Variants in WDR37 observed in about 807,000 individuals in gnomAD.
WDR37 encodes WD repeat domain 37, also known as WD repeat-containing protein 37.
A neutral mutation model predicts 62.9 loss-of-function variants in WDR37; 19 were observed. The ratio of observed to expected loss-of-function variants is 0.30; its 90% CI spans 0.21 to 0.44. The LOEUF is 0.44. WDR37 is among the 20% of genes least tolerant of loss of function. The probability of loss-of-function intolerance (pLI) is 1.00; values close to 1 mark genes in which losing one functional copy is unlikely to be tolerated. For missense variants in WDR37, 474 were observed against 657.6 expected (o/e 0.72, Z 3.05); for synonymous variants, 250 against 260.9 (o/e 0.96, Z 0.40).
chr10:1,114,537 C>A (rs1383126961), intron 11 of WDR37, among the ~76,000 whole-genome samples: 1 of 152,186 alleles, frequency 6.6e-6, no homozygotes, highest in Non-Finnish European at 1.5e-5. Context: ...AGAGGTAATG[C>A]GGTTGCTCAC....
At chr10:1,074,470 A>G (rs766469190) in intron 2 of WDR37, 7 of 1,304,394 alleles carry the variant, frequency 5.4e-6, no homozygotes, top group South Asian at 1.2e-5. Flanking sequence ...CATTTGTTCA[A>G]TGAGCAGTGA....
chr10:1,057,644 G>C (rs1309578868), intron 1 of WDR37, among the ~76,000 whole-genome samples: 1 of 152,178 alleles, frequency 6.6e-6, no homozygotes, highest in African/African-American at 2.4e-5. Flanking sequence ...TAACACAAGA[G>C]CAACAATAAT....
At chr10:1,117,858 G>A (rs569478987) in intron 11 of WDR37, among the ~76,000 whole-genome samples, 5 of 152,304 alleles carry the variant, frequency 3.3e-5, no homozygotes, top group South Asian at 2.1e-4. Context: ...TCTGCGCTGC[G>A]TGCACTCAGC....
At chr10:1,125,661 G>A (rs1835718968) in intron 13 of WDR37, among the ~76,000 whole-genome samples, 1 of 152,202 alleles carries the variant, frequency 6.6e-6, no homozygotes. Flanking sequence ...CTGCAGTTGT[G>A]TCTGTGCAGA....
At chr10:1,068,024 A>G (rs1382123521) in intron 1 of WDR37, among the ~76,000 whole-genome samples, 2 of 152,198 alleles carry the variant, frequency 1.3e-5, no homozygotes, top group African/African-American at 2.4e-5. Flanking sequence ...ATGTGAACAC[A>G]TGGAGGTAAA....
rs1414063237 is a variant in WDR37, at chr10:1,124,326, T to C, written c.1212T>C (p.Thr404=). ...DLKNMRSPIA[T]IRTDSAINRI... is the part of the protein sequence containing the mutation. ...AAAATATGAGATCCCCCATTGCAAC[T>C]ATTCGCACGGACTCTGCCATTAACA... Residue 404 remains threonine (T), a synonymous_variant, in exon 12 of 14, where the codon ACT becomes ACC. Coordinates refer to ENST00000263150, the MANE Select transcript of WDR37 (RefSeq NM_014023.4). 3 of 1,614,240 alleles carry C rather than the reference T, an allele frequency of 1.9e-6. No individual in the cohort carries two copies. Among genetic ancestry groups the C allele is most frequent in the Non-Finnish European group, 2.5e-6 (3 of 1,180,052 alleles).
chr10:1,104,302 G>C (rs971991162), intron 10 of WDR37, among the ~76,000 whole-genome samples: 3 of 152,192 alleles, frequency 2.0e-5, no homozygotes, highest in African/African-American at 7.2e-5. Flanking sequence ...GCTCCTTCTT[G>C]CGTCTGGAGT....
intron 12 of WDR37, 38 bp from the exon 13 acceptor site, chr10:1,124,872 T>C (rs1183309073): frequency 6.2e-7 from 1 of 1,609,142 alleles, no homozygotes; most frequent in South Asian, 1.1e-5. Flanking sequence ...ACAGTGTCAC[T>C]GTTTCATGCA....
intron 3 of WDR37, among the ~76,000 whole-genome samples, chr10:1,079,691 C>T (rs943153973): frequency 7.9e-5 from 12 of 151,990 alleles, no homozygotes; most frequent in African/African-American, 2.2e-4. Context: ...TGCACCACCA[C>T]GCCCGGCTAT....
At chr10:1,122,746 C>T (rs1264045920) in intron 11 of WDR37, among the ~76,000 whole-genome samples, 1 of 152,230 alleles carries the variant, frequency 6.6e-6, no homozygotes, top group Non-Finnish European at 1.5e-5. Context: ...CTGGCAAGTG[C>T]CAGAGACTTT....
Position 1,103,735 on chromosome 10 carries a change from C to G in WDR37, c.860C>G (p.Ser287Cys). ...AGCCACCAGGGCGTGGTCATCGCCT[C>G]CGACTGGCTGGTTGGGGGGAAGCAG... ...LKSHQGVVIA[S>C]DWLVGGKQAV... The change falls in exon 10 of 14, where the codon TCC becomes TGC. Residue 287 changes from serine to cysteine, a missense_variant. Transcript: ENST00000263150. The surrounding 1 kb of genome is among the most constrained non-coding windows in gnomAD (Gnocchi z 6.3). 1 of 1,614,264 alleles carries G rather than the reference C, an allele frequency of 6.2e-7. No individual in the cohort carries two copies. Among genetic ancestry groups the G allele is most frequent in the Non-Finnish European group, 8.5e-7 (1 of 1,180,054 alleles).
chr10:1,124,150 T>G (rs1835669137), intron 11 of WDR37, 68 bp from the exon 12 acceptor site: 1 of 1,600,466 alleles, frequency 6.2e-7, no homozygotes, highest in Non-Finnish European at 8.5e-7. Context: ...TGGTCAGGGT[T>G]GTGTGTGGGG....
At chr10:1,073,339 T>G (rs1466342979) in intron 2 of WDR37, among the ~76,000 whole-genome samples, 1 of 152,196 alleles carries the variant, frequency 6.6e-6, no homozygotes, top group Non-Finnish European at 1.5e-5. Flanking sequence ...TTGGATTTTG[T>G]TAGGACCATG....
intron 2 of WDR37, among the ~76,000 whole-genome samples, chr10:1,074,000 GTCTGTA>G (rs973058455): frequency 2.0e-5 from 3 of 152,228 alleles, no homozygotes; most frequent in Non-Finnish European, 2.9e-5. Flanking sequence ...TGGGGGCAGT[GTCTGTA>G]TCTGTATCTG....
At chr10:1,122,417 C>T (rs1835614776) in intron 11 of WDR37, among the ~76,000 whole-genome samples, 2 of 152,190 alleles carry the variant, frequency 1.3e-5, no homozygotes, top group Admixed American at 6.5e-5. Flanking sequence ...GCCTGTGTCT[C>T]TCTGAGAAGG....
intron 7 of WDR37, among the ~76,000 whole-genome samples, chr10:1,093,027 G>C (rs1834453241): frequency 6.6e-6 from 1 of 152,058 alleles, no homozygotes; most frequent in Non-Finnish European, 1.5e-5. Context: ...GTCTCTACTA[G>C]TCACAGAACA....
chr10:1,131,801 G>A lies in WDR37; in HGVS notation c.*2457G>A, dbSNP rs937388582. 2.0e-5 allele frequency: 3 copies of A among 152,268 alleles called. No individual in the cohort carries two copies. Among genetic ancestry groups the A allele is most frequent in the Non-Finnish European group, 2.9e-5 (2 of 68,036 alleles). The allele number at this position is 152,268 out of a possible 1,614,324, so 9.4% of individuals were successfully genotyped here. A position where few individuals can be genotyped will look rare whatever the true frequency, so the allele number is the denominator to read the frequency against. On this transcript the variant is annotated 3_prime_UTR_variant, in exon 14 of 14. Coordinates refer to ENST00000263150, the MANE Select transcript of WDR37 (RefSeq NM_014023.4). ...TTGGAAGTGGGAACAGTTTTGTCCT[G>A]TATGCTGATGTGTCCAGAATTTCAT...
intron 9 of WDR37, among the ~76,000 whole-genome samples, chr10:1,102,764 A>C (rs1834868465): frequency 1.3e-5 from 2 of 152,140 alleles, no homozygotes; most frequent in South Asian, 4.1e-4. Flanking sequence ...CAAATTTCCA[A>C]ATTATCAGTT....
At chr10:1,115,488 G>C (rs1485322224) in intron 11 of WDR37, among the ~76,000 whole-genome samples, 1 of 152,228 alleles carries the variant, frequency 6.6e-6, no homozygotes, top group Non-Finnish European at 1.5e-5. Flanking sequence ...GGTAAACACA[G>C]TTTTGCAGCT....
Sources: gnomAD v4.1 joint callset for allele counts (sites outside exome capture counted in the v4.1 genomes callset) on GRCh38, gnomAD v4.1.1 for gene constraint, Gnocchi (gnomAD v3.1) non-coding constraint, MANE v1.5 for transcripts, NCBI Gene and HGNC (gene_info 2026-07-23, HGNC 2026-07-21) for gene names.